DLGAP2: variants seen among roughly 807,000 people sequenced by gnomAD.
The protein encoded by DLGAP2 is DLG associated protein 2, also known as disks large-associated protein 2.
DLGAP2 carries 26 observed loss-of-function variants against 100.3 expected under a neutral mutation model. The ratio of observed to expected loss-of-function variants is 0.26; its 90% CI spans 0.19 to 0.36. The LOEUF (loss-of-function observed/expected upper bound fraction) is 0.36. Ranked by LOEUF, DLGAP2 falls within the 10% of genes least tolerant of loss-of-function variation. The pLI, the probability that DLGAP2 is intolerant of heterozygous loss-of-function variation, is 1.00. For synonymous variants in DLGAP2, 886 were observed against 630.1 expected (o/e 1.41, Z -6.08); for missense variants, 1,858 against 1,453.2 (o/e 1.28, Z -4.53).
intron 2 of DLGAP2, among the ~76,000 whole-genome samples, chr8:1,156,409 G>A (rs542505357): frequency 6.6e-6 from 1 of 152,194 alleles, no homozygotes; most frequent in Non-Finnish European, 1.5e-5. Context: ...GCCGTGGGCC[G>A]TGGCACACAC....
chr8:1,557,573 G>A (rs1802008454), intron 5 of DLGAP2, among the ~76,000 whole-genome samples: 1 of 152,136 alleles, frequency 6.6e-6, no homozygotes. Context: ...CATGCCGCCA[G>A]CCTGGGTGGT....
In DLGAP2 at chr8:1,707,667, A is replaced by G. The variant is rs1470277778; in HGVS notation, c.*6261A>G. The G allele has an allele frequency of 6.6e-6, 1 of 152,150 alleles. No individual in the cohort carries two copies. The highest frequency in any genetic ancestry group is 1.5e-5 in the Non-Finnish European group (1 of 68,028). The allele number at this position is 152,150 out of a possible 1,614,324, so 9.4% of individuals were successfully genotyped here. ...AACTCATCCCCCGACCTTCCATACT[A>G]CAGACCAAAATACCCAGGTGTGGCC... On this transcript the variant is annotated 3_prime_UTR_variant, in exon 15 of 15. Coordinates refer to ENST00000637795, the MANE Select transcript of DLGAP2 (RefSeq NM_001346810.2).
At chr8:913,498 A>G (rs528544287) in intron 2 of DLGAP2, among the ~76,000 whole-genome samples, 1 of 152,244 alleles carries the variant, frequency 6.6e-6, no homozygotes, top group Non-Finnish European at 1.5e-5. Flanking sequence ...TGACTCCATT[A>G]GTGTCACACC....
At position 1,437,159 on chromosome 8, in the gene DLGAP2, C is replaced by G. The variant is rs1030233483; in HGVS notation, c.107-64207C>G. Among the ~76,000 whole-genome samples the G allele has an allele frequency of 1.1e-4, 16 of 148,930 alleles. 3 individuals are homozygous for G. In the East Asian group the frequency reaches 3.5e-3, roughly 33 times the overall value. On this transcript the variant is annotated intron_variant, in intron 3 of 14. Transcript: ENST00000637795. ...ACGCCATCCGGGTCTGCGTTCAGCG[C>G]AGGCGCGTAAGGGTGACGCCATCCG... is the stretch of plus-strand genomic sequence containing the variant.
rs1798412917 is a variant in DLGAP2, at chr8:907,892, A to G, written c.19-20A>G. The stretch of plus-strand genomic sequence containing the variant: ...ACGCGAATGATAACAAATGTATTTT[A>G]TTTATTTGTTTTAAAACAGGTTTTG... On this transcript the variant is annotated intron_variant, in intron 1 of 14. Coordinates refer to ENST00000637795, the MANE Select transcript of DLGAP2 (RefSeq NM_001346810.2). 2.5e-6 allele frequency: 1 copy of G among 398,872 alleles called. No individual in the cohort carries two copies. The allele number at this position is 398,872 out of a possible 1,614,324, so 24.7% of individuals were successfully genotyped here.
chr8:744,594 G>A (rs1251957829), intron 1 of DLGAP2, among the ~76,000 whole-genome samples: 1 of 149,334 alleles, frequency 6.7e-6, no homozygotes. Context: ...TGCTCCCCAC[G>A]GTCACTCCCT....
At chr8:1,025,697 A>G (rs540998584) in intron 2 of DLGAP2, among the ~76,000 whole-genome samples, 2 of 152,258 alleles carry the variant, frequency 1.3e-5, no homozygotes, top group South Asian at 2.1e-4. Flanking sequence ...GTGCTACTTT[A>G]TAAATTTTAG....
Position 1,636,148 on chromosome 8 carries a change from G to A in DLGAP2, c.1810+3102G>A, listed in dbSNP as rs143736619. Among the ~76,000 whole-genome samples, 665 of 152,204 alleles carry A rather than the reference G, an allele frequency of 4.4e-3. 7 individuals carry two copies. Among genetic ancestry groups the A allele is most frequent in the African/African-American group, 0.016 (645 of 41,538 alleles). ...TTTCTCATCTGGGAAATTATTTATC[G>A]GATTGCTTTACTTGTCCAAATATGC... On this transcript the variant is annotated intron_variant, in intron 8 of 14. Coordinates refer to ENST00000637795, the MANE Select transcript of DLGAP2 (RefSeq NM_001346810.2).
At position 816,828 on chromosome 8, in the gene DLGAP2, A is replaced by G. The variant is rs183016556; in HGVS notation, c.18+79003A>G. Among the ~76,000 whole-genome samples the G allele has an allele frequency of 1.4e-3, 206 of 152,242 alleles. 1 individual carries two copies. Among genetic ancestry groups the G allele is most frequent in the African/African-American group, 4.5e-3 (189 of 41,546 alleles). Reference sequence around the variant, plus strand: ...TCAAATATGTTTTCCAAATGGTTAGATTTCTCTTCTTCTCTGGAAACAATT... The same window carrying G: ...TCAAATATGTTTTCCAAATGGTTAGGTTTCTCTTCTTCTCTGGAAACAATT... On this transcript the variant is annotated intron_variant, in intron 1 of 14. Coordinates refer to ENST00000637795, the MANE Select transcript of DLGAP2 (RefSeq NM_001346810.2).
At chr8:771,687 T>A (rs1434221955) in intron 1 of DLGAP2, among the ~76,000 whole-genome samples, 6 of 152,276 alleles carry the variant, frequency 3.9e-5, no homozygotes, top group Non-Finnish European at 5.9e-5. Context: ...ACGTGGCCTC[T>A]GGGGCTCTGC....
chr8:1,225,957 A>C (rs966086463), intron 2 of DLGAP2, among the ~76,000 whole-genome samples: 2 of 152,044 alleles, frequency 1.3e-5, no homozygotes, highest in South Asian at 4.1e-4. Flanking sequence ...TTTCCTTTTC[A>C]TTTTTAATAT....
intron 3 of DLGAP2, among the ~76,000 whole-genome samples, chr8:1,462,724 A>G (rs1326027802): frequency 1.3e-5 from 2 of 152,302 alleles, no homozygotes; most frequent in East Asian, 3.9e-4. Context: ...GGAATGTACC[A>G]TCTCAGGCCC....
intron 3 of DLGAP2, among the ~76,000 whole-genome samples, chr8:1,317,053 G>C (rs181403942): frequency 3.4e-5 from 4 of 118,496 alleles, no homozygotes; most frequent in South Asian, 2.9e-4. Flanking sequence ...CGAGTGCAGC[G>C]TCTCTCCAAC....
intron 6 of DLGAP2, among the ~76,000 whole-genome samples, chr8:1,624,261 T>C (rs1192304569): frequency 6.6e-6 from 1 of 152,072 alleles, no homozygotes; most frequent in Non-Finnish European, 1.5e-5. Flanking sequence ...ATGGAGGGTA[T>C]GAAACCAGCA....
intron 1 of DLGAP2, among the ~76,000 whole-genome samples, chr8:770,376 A>C (rs1354678167): frequency 2.6e-5 from 4 of 152,172 alleles, no homozygotes; most frequent in African/African-American, 9.7e-5. Context: ...ATTTAATCAC[A>C]GGTCCATGCT....
At position 743,193 on chromosome 8, in the gene DLGAP2, G is replaced by A. The variant is rs180771289; in HGVS notation, c.18+5368G>A. Among the ~76,000 whole-genome samples, 107 of 152,228 alleles carry A rather than the reference G, an allele frequency of 7.0e-4. No individual in the cohort carries two copies. In the East Asian group the frequency reaches 0.011, roughly 15 times the overall value. On this transcript the variant is annotated intron_variant, in intron 1 of 14. Transcript: ENST00000637795. ...AATTAGAAAATAGAAATAGAAAATC[G>A]GAAGAAACACATGTGATAACCATGA...
At chr8:745,100 G>T (rs1443146194) in intron 1 of DLGAP2, among the ~76,000 whole-genome samples, 1 of 152,202 alleles carries the variant, frequency 6.6e-6, no homozygotes, top group Non-Finnish European at 1.5e-5. Flanking sequence ...TTCTCCCGCT[G>T]CTTCCGAGTT....
chr8:1,073,023 T>G (rs1256684604), intron 2 of DLGAP2, among the ~76,000 whole-genome samples: 1 of 152,240 alleles, frequency 6.6e-6, no homozygotes, highest in Non-Finnish European at 1.5e-5. Flanking sequence ...CTCTCATTTG[T>G]ACCTCTGATC....
chr8:1,285,966 A>C (rs1799913397), intron 3 of DLGAP2, among the ~76,000 whole-genome samples: 1 of 152,206 alleles, frequency 6.6e-6, no homozygotes, highest in Non-Finnish European at 1.5e-5. Context: ...AGAAACACCC[A>C]AAACCTTTCT....
Sources: allele counts gnomAD v4.1 joint callset (sites outside exome capture counted in the v4.1 genomes callset), GRCh38; gene constraint gnomAD v4.1.1; transcripts MANE v1.5; gene names NCBI Gene and HGNC (gene_info 2026-07-23, HGNC 2026-07-21).